The following FARSB variants were observed in gnomAD, a reference collection of about 807,000 sequenced individuals.
FARSB encodes phenylalanyl-tRNA synthetase subunit beta, also known as phenylalanine--tRNA ligase beta subunit.
Under a neutral mutation model 69.6 loss-of-function variants are expected in FARSB, and 40 were observed. The observed-to-expected ratio is 0.57, with a 90% CI of 0.45 to 0.75. The LOEUF (loss-of-function observed/expected upper bound fraction) is 0.75, where lower values mean the gene tolerates loss of function less well. FARSB is among the 30% of genes least tolerant of loss of function. The probability of loss-of-function intolerance (pLI) is 0.00; values close to 1 mark genes in which losing one functional copy is unlikely to be tolerated. For missense variants in FARSB, 632 were observed against 722.9 expected (o/e 0.87, Z 1.44); for synonymous variants, 235 against 247.2 (o/e 0.95, Z 0.46).
chr2:222,649,220 C>T (rs985992011), intron 1 of FARSB, among the ~76,000 whole-genome samples: 4 of 130,986 alleles, frequency 3.1e-5, no homozygotes, highest in Non-Finnish European at 6.3e-5. Flanking sequence ...GAGCGAGACT[C>T]CGTCTCAAAA....
At chr2:222,620,891 A>T (rs1691118079) in intron 13 of FARSB, among the ~76,000 whole-genome samples, 1 of 152,234 alleles carries the variant, frequency 6.6e-6, no homozygotes, top group African/African-American at 2.4e-5. Flanking sequence ...TGTCAATGTC[A>T]GTTCTAGTGA....
intron 15 of FARSB, among the ~76,000 whole-genome samples, chr2:222,610,483 T>C (rs545863359): frequency 1.1e-4 from 16 of 142,746 alleles, no homozygotes; most frequent in Non-Finnish European, 4.7e-5. Context: ...TTAGTTTTCT[T>C]ATTCTAAAAA....
chr2:222,606,356 A>C (rs1030438357), intron 15 of FARSB, among the ~76,000 whole-genome samples: 2 of 146,464 alleles, frequency 1.4e-5, no homozygotes, highest in African/African-American at 4.8e-5. Context: ...ACCATACTAC[A>C]TCATAGAAAG....
intron 16 of FARSB, among the ~76,000 whole-genome samples, chr2:222,585,419 C>G (rs1181822711): frequency 6.6e-6 from 1 of 152,170 alleles, no homozygotes; most frequent in Non-Finnish European, 1.5e-5. Context: ...TGGGGAGAAA[C>G]CAGAGCAGAA....
At chr2:222,583,025 C>CATG (rs1257832868) in intron 16 of FARSB, among the ~76,000 whole-genome samples, 1 of 151,682 alleles carries the variant, frequency 6.6e-6, no homozygotes, top group Non-Finnish European at 1.5e-5. Context: ...GAAAACCAAA[C>CATG]ACTGCATGTT....
rs188221541 is a variant in FARSB at position 222,644,595 on chromosome 2, G to A, written c.115-1590C>T. ...ATACAGAGAAGATAATATAATAACC[G>A]GAGAAATGAAGGCATCTGCATTCAT... is the stretch of plus-strand genomic sequence containing the variant. On this transcript the variant is annotated intron_variant, in intron 2 of 16. Transcript: ENST00000281828. 589 of 434,444 alleles carry A rather than the reference G, an allele frequency of 1.4e-3. 8 individuals carry two copies. The highest frequency in any genetic ancestry group is 5.0e-3 in the South Asian group (304 of 60,358). 26.9% of individuals were successfully genotyped at this position (434,444 alleles called of 1,614,324 possible). A position where few individuals can be genotyped will look rare whatever the true frequency, so the allele number is the denominator to read the frequency against.
chr2:222,610,414 C>T (rs921752472), intron 15 of FARSB, among the ~76,000 whole-genome samples: 2 of 151,570 alleles, frequency 1.3e-5, no homozygotes, highest in African/African-American at 4.8e-5. Context: ...AAGTAGGTGA[C>T]GAATTACTCA....
At chr2:222,603,952 C>CA (rs1304706615) in intron 15 of FARSB, among the ~76,000 whole-genome samples, 1 of 151,866 alleles carries the variant, frequency 6.6e-6, no homozygotes, top group Non-Finnish European at 1.5e-5. Context: ...CGCGGTGGCT[C>CA]ACGCCTGTAA....
chr2:222,624,128 T>C, intron 12 of FARSB, 144 bp downstream of exon 12: 1 of 643,044 alleles, frequency 1.6e-6, no homozygotes, highest in Non-Finnish European at 2.8e-6. Flanking sequence ...ATCTGTTTTG[T>C]ATCCTCTCCA....
chr2:222,573,372 G>A (rs1416107735), intron 16 of FARSB, among the ~76,000 whole-genome samples: 1 of 152,138 alleles, frequency 6.6e-6, no homozygotes, highest in Admixed American at 6.5e-5. Flanking sequence ...TTCAGTGACT[G>A]CATTTAACTA....
intron 2 of FARSB, 131 bp downstream of exon 2, chr2:222,648,609 C>A: frequency 1.4e-6 from 1 of 707,864 alleles, no homozygotes; most frequent in Non-Finnish European, 2.6e-6. Context: ...CCTCTGAACA[C>A]AGAAATCATG....
intron 13 of FARSB, 77 bp from the exon 14 acceptor site, chr2:222,619,814 C>G (rs1380895225): frequency 1.2e-6 from 1 of 804,016 alleles, no homozygotes; most frequent in Admixed American, 2.0e-5. Context: ...TGCTGTAAGT[C>G]AACTTCTAAG....
chr2:222,630,725 C>T (rs1473172953), intron 8 of FARSB, among the ~76,000 whole-genome samples: 2 of 151,986 alleles, frequency 1.3e-5, no homozygotes, highest in Non-Finnish European at 2.9e-5. Flanking sequence ...GGAATATATG[C>T]TTTACTCTTA....
At chr2:222,655,970 C>A (rs766353232) in intron 1 of FARSB, 46 bp downstream of exon 1, 7 of 1,476,582 alleles carry the variant, frequency 4.7e-6, no homozygotes, top group Non-Finnish European at 6.5e-6. Context: ...GGAGGCCCTG[C>A]CTCCGAGAAG....
At chr2:222,580,653 CTT>C (rs1423318507) in intron 16 of FARSB, among the ~76,000 whole-genome samples, 1 of 152,036 alleles carries the variant, frequency 6.6e-6, no homozygotes, top group East Asian at 1.9e-4. Context: ...CAATAAAAAA[CTT>C]TCTCCTGCAT....
intron 10 of FARSB, among the ~76,000 whole-genome samples, chr2:222,627,208 T>C (rs77395879): frequency 0.015 from 2,343 of 152,260 alleles, 32 homozygotes; most frequent in Middle Eastern, 0.048. Flanking sequence ...CTGCCAATCT[T>C]CCAATCAGGA....
At chr2:222,652,193 C>T (rs1173009469) in intron 1 of FARSB, among the ~76,000 whole-genome samples, 4 of 152,188 alleles carry the variant, frequency 2.6e-5, no homozygotes, top group Non-Finnish European at 5.9e-5. Context: ...GCCACATCCA[C>T]ATCTGGTCCT....
intron 16 of FARSB, among the ~76,000 whole-genome samples, chr2:222,575,474 T>A (rs1689817174): frequency 6.6e-6 from 1 of 152,222 alleles, no homozygotes; most frequent in South Asian, 2.1e-4. Flanking sequence ...AGTACATTAG[T>A]TTTCTCTTAC....
chr2:222,624,646 G>T, intron 11 of FARSB, 68 bp downstream of exon 11: 2 of 1,074,376 alleles, frequency 1.9e-6, no homozygotes, highest in Non-Finnish European at 1.4e-6. Context: ...GACTCTGAAG[G>T]ATCGCAAAAA....
Sources: allele counts gnomAD v4.1 joint callset (sites outside exome capture counted in the v4.1 genomes callset), GRCh38; gene constraint gnomAD v4.1.1; transcripts MANE v1.5; gene names NCBI Gene and HGNC (gene_info 2026-07-23, HGNC 2026-07-21).